CADPS: variants seen among roughly 807,000 people sequenced by gnomAD.
CADPS encodes the protein calcium dependent secretion activator.
CADPS carries 57 observed loss-of-function variants against 167.3 expected under a neutral mutation model. The observed-to-expected ratio is 0.34, with a 90% CI of 0.28 to 0.42. The LOEUF is 0.42. Among genes scored for constraint, CADPS ranks in the 20% least tolerant of loss-of-function variants. The pLI is 1.00. For missense variants in CADPS, 1,414 were observed against 1,738.1 expected (o/e 0.81, Z 3.32); for synonymous variants, 676 against 635.3 (o/e 1.06, Z -0.96).
chr3:62,418,353 G>A (rs2050597489), intron 28 of CADPS, among the ~76,000 whole-genome samples: 1 of 133,660 alleles, frequency 7.5e-6, no homozygotes, highest in Non-Finnish European at 1.5e-5. Context: ...TTGAGACAGG[G>A]TCTTACTTTG....
chr3:62,534,173 C>G (rs996703801), intron 12 of CADPS, among the ~76,000 whole-genome samples: 1 of 152,176 alleles, frequency 6.6e-6, no homozygotes, highest in Non-Finnish European at 1.5e-5. Flanking sequence ...GTGATACTTT[C>G]TAAGCTGGAA....
chr3:62,855,752 G>C (rs967929552), intron 1 of CADPS, among the ~76,000 whole-genome samples: 2 of 152,102 alleles, frequency 1.3e-5, no homozygotes, highest in African/African-American at 4.8e-5. Context: ...TGGGTTCGCT[G>C]ATTGAAGTTT....
At chr3:62,653,418 C>T (rs2070740841) in intron 4 of CADPS, among the ~76,000 whole-genome samples, 1 of 152,176 alleles carries the variant, frequency 6.6e-6, no homozygotes, top group African/African-American at 2.4e-5. Context: ...TGATTTTGAA[C>T]TTCCCAGCCT....
At chr3:62,488,655 C>T (rs1252280539) in intron 21 of CADPS, among the ~76,000 whole-genome samples, 1 of 151,964 alleles carries the variant, frequency 6.6e-6, no homozygotes, top group East Asian at 1.9e-4. Context: ...CCATGCCTGG[C>T]TACTTTTTTT....
At chr3:62,450,999 C>A (rs924582301) in intron 26 of CADPS, among the ~76,000 whole-genome samples, 1 of 152,008 alleles carries the variant, frequency 6.6e-6, no homozygotes, top group African/African-American at 2.4e-5. Flanking sequence ...TTTAAAAAAA[C>A]TATGAAACCA....
At chr3:62,402,950 G>A in intron 29 of CADPS, 131 bp downstream of exon 29, 1 of 526,602 alleles carries the variant, frequency 1.9e-6, no homozygotes, top group East Asian at 3.1e-5. Context: ...CAATTGCATA[G>A]GTTTTTCTTG....
intron 3 of CADPS, among the ~76,000 whole-genome samples, chr3:62,710,083 T>C (rs2083104120): frequency 6.6e-6 from 1 of 152,088 alleles, no homozygotes; most frequent in Admixed American, 6.6e-5. Context: ...TATGTTAATA[T>C]CTATGTTAAT....
At position 62,474,170 on chromosome 3, in the gene CADPS, T is replaced by TTTTTTTTTTTTTTC; in HGVS notation, c.3477+2_3477+3insGAAAAAAAAAAAAA. On this transcript the variant is annotated splice_region_variant and intron_variant, in intron 24 of 29. Coordinates refer to ENST00000383710, the MANE Select transcript of CADPS (RefSeq NM_003716.4). Reference sequence around the variant, plus strand: ...AAATCTGTATTTTTTTTTTTTTTTTTACCTCTTGGCCCATTTCCATGCTGC... The same window carrying TTTTTTTTTTTTTTC: ...AAATCTGTATTTTTTTTTTTTTTTTTTTTTTTTTTTTTTCACCTCTTGGCCCATTTCCATGCTGC... 6.8e-7 allele frequency: 1 copy of TTTTTTTTTTTTTTC among 1,475,400 alleles called. No homozygotes were observed. Among genetic ancestry groups the TTTTTTTTTTTTTTC allele is most frequent in the Non-Finnish European group, 9.0e-7 (1 of 1,105,888 alleles). 91.4% of individuals were successfully genotyped at this position (1,475,400 alleles called of 1,614,324 possible).
At chr3:62,402,446 G>C (rs1168408953) in intron 29 of CADPS, among the ~76,000 whole-genome samples, 1 of 152,092 alleles carries the variant, frequency 6.6e-6, no homozygotes, top group East Asian at 1.9e-4. Context: ...CCCCTTCTGT[G>C]ATCTTATTAT....
At chr3:62,865,621 T>G (rs904302368) in intron 1 of CADPS, among the ~76,000 whole-genome samples, 1 of 152,058 alleles carries the variant, frequency 6.6e-6, no homozygotes, top group East Asian at 1.9e-4. Context: ...TTTTCCCACT[T>G]GTTAAAATAA....
At chr3:62,504,539 A>G (rs1200753230) in intron 17 of CADPS, among the ~76,000 whole-genome samples, 2 of 152,224 alleles carry the variant, frequency 1.3e-5, no homozygotes, top group African/African-American at 4.8e-5. Flanking sequence ...CCCATGAGGC[A>G]GCAGATACAT....
At chr3:62,489,054 T>C (rs1561122709) in intron 21 of CADPS, among the ~76,000 whole-genome samples, 1 of 152,216 alleles carries the variant, frequency 6.6e-6, no homozygotes, top group Non-Finnish European at 1.5e-5. Flanking sequence ...AAAACATCCC[T>C]AGACTAAGAT....
chr3:62,448,578 A>G (rs2057558504), intron 26 of CADPS, among the ~76,000 whole-genome samples: 1 of 151,776 alleles, frequency 6.6e-6, no homozygotes, highest in South Asian at 2.1e-4. Context: ...TATTATTTAG[A>G]GACATGTGTG....
chr3:62,450,036 T>C (rs1477592235), intron 26 of CADPS, among the ~76,000 whole-genome samples: 3 of 152,216 alleles, frequency 2.0e-5, no homozygotes, highest in East Asian at 3.9e-4. Flanking sequence ...ACTGGTAATA[T>C]TGGCTTACCG....
chr3:62,644,326 A>C (rs574682098), intron 6 of CADPS, among the ~76,000 whole-genome samples: 1 of 152,292 alleles, frequency 6.6e-6, no homozygotes, highest in East Asian at 1.9e-4. Context: ...CTGAGATAGA[A>C]AAGGAAGGGA....
At chr3:62,467,458 G>T in intron 24 of CADPS, 1 of 295,480 alleles carries the variant, frequency 3.4e-6, no homozygotes, top group Non-Finnish European at 5.9e-6. Flanking sequence ...ATAGTAATGT[G>T]GTTTAATATT....
intron 3 of CADPS, among the ~76,000 whole-genome samples, chr3:62,703,059 C>G (rs1278596683): frequency 2.0e-5 from 3 of 152,044 alleles, no homozygotes; most frequent in Non-Finnish European, 4.4e-5. Context: ...ATAATTATGT[C>G]AGAATTCTGT....
chr3:62,738,516 G>C (rs1301759775), intron 3 of CADPS, among the ~76,000 whole-genome samples: 2 of 152,086 alleles, frequency 1.3e-5, no homozygotes, highest in African/African-American at 4.8e-5. Flanking sequence ...CTGAGGTCAG[G>C]AGATCAAGAT....
intron 27 of CADPS, among the ~76,000 whole-genome samples, chr3:62,442,880 G>T (rs763901620): frequency 6.6e-6 from 1 of 152,020 alleles, no homozygotes; most frequent in Non-Finnish European, 1.5e-5. Flanking sequence ...AGAAGCAAAT[G>T]ATTACTATTA....
Sources: gnomAD v4.1 joint callset for allele counts (sites outside exome capture counted in the v4.1 genomes callset) on GRCh38, gnomAD v4.1.1 for gene constraint, MANE v1.5 for transcripts, NCBI Gene and HGNC (gene_info 2026-07-23, HGNC 2026-07-21) for gene names.